The following ZNF69 variants were observed in gnomAD, a reference collection of about 807,000 sequenced individuals.
ZNF69 encodes the protein zinc finger protein 69.
In ZNF69, 47 loss-of-function variants were observed where a neutral mutation model predicts 50.9. The observed-to-expected ratio is 0.92, with a 90% CI of 0.73 to 1.18. The LOEUF is 1.18. Ranked by LOEUF, ZNF69 falls within the 50% of genes most tolerant of loss-of-function variation. The probability of loss-of-function intolerance (pLI) is 0.00; values close to 1 mark genes in which losing one functional copy is unlikely to be tolerated. For synonymous variants in ZNF69, 216 were observed against 223.1 expected (o/e 0.97, Z 0.29); for missense variants, 717 against 675.1 (o/e 1.06, Z -0.69).
chr19:11,947,447 C>A, the ZNF69 span: 3 of 1,600,822 alleles, frequency 1.9e-6, no homozygotes, highest in South Asian at 3.4e-5. Context: ...ATCATGGGCA[C>A]AGAATCTAAT....
intron 1 of ZNF69, among the ~76,000 whole-genome samples, chr19:11,893,979 C>G (rs1478529646): frequency 3.9e-5 from 6 of 152,202 alleles, no homozygotes; most frequent in African/African-American, 1.4e-4. Context: ...AACAGCCACT[C>G]CAACATAGTG....
At chr19:11,952,291 C>G in the ZNF69 span, among the ~76,000 whole-genome samples, 7 of 152,158 alleles carry the variant, frequency 4.6e-5, no homozygotes, top group Admixed American at 3.9e-4. Context: ...TGTATGGGCA[C>G]TGTTTACTAG....
At chr19:11,979,056 T>C in the ZNF69 span, 1 of 1,614,108 alleles carries the variant, frequency 6.2e-7, no homozygotes, top group South Asian at 1.1e-5. Context: ...GAAAGCATTA[T>C]CTTATAAGTT....
In ZNF69 at chr19:11,906,031, C is replaced by T; in HGVS notation, c.1634C>T (p.Ala545Val). Residue 545 changes from alanine (A) to valine (V), a missense_variant, in exon 4 of 4, where the codon GCT (alanine) becomes GTT (valine). Transcript: ENST00000429654. The stretch of plus-strand genomic sequence containing the variant: ...AAGCAATGTGGGAAAGCCTTCAGAG[C>T]TGCCTCAGTCCTTCGAATGCATGGT... ...KCKQCGKAFR[A>V]ASVLRMHGRT... The T allele has an allele frequency of 6.2e-7, 1 of 1,613,674 alleles. No homozygotes were observed. Among genetic ancestry groups the T allele is most frequent in the Non-Finnish European group, 8.5e-7 (1 of 1,179,856 alleles).
At chr19:11,941,962 G>A in the ZNF69 span, among the ~76,000 whole-genome samples, 2 of 100,120 alleles carry the variant, frequency 2.0e-5, no homozygotes, top group Non-Finnish European at 4.0e-5. Flanking sequence ...TTGTATAGTG[G>A]TTGAATCTGT....
rs1020952001 is a variant in ZNF69 at position 11,906,680 on chromosome 19, A to G, written c.*582A>G. On this transcript the variant is annotated 3_prime_UTR_variant, in exon 4 of 4. Coordinates refer to ENST00000429654, the MANE Select transcript of ZNF69 (RefSeq NM_001364730.1). ...CACCAAAACCCATCTGTACATCACC[A>G]TCATCAAAGACCAAAAGTAGATAAA... is the stretch of plus-strand genomic sequence containing the variant. Among the ~76,000 whole-genome samples the G allele has an allele frequency of 3.9e-5, 6 of 152,236 alleles. No individual in the cohort carries two copies. The highest frequency in any genetic ancestry group is 1.2e-4 in the African/African-American group (5 of 41,450).
chr19:11,921,874 C>A, the ZNF69 span, among the ~76,000 whole-genome samples: 1 of 152,176 alleles, frequency 6.6e-6, no homozygotes, highest in Non-Finnish European at 1.5e-5. Flanking sequence ...TTAACAGGAA[C>A]TATCATTTAG....
At chr19:11,936,785 T>A in the ZNF69 span, among the ~76,000 whole-genome samples, 100 of 152,326 alleles carry the variant, frequency 6.6e-4, no homozygotes, top group Non-Finnish European at 1.2e-3. Context: ...CTGAATGGTA[T>A]TGCCTAGGTT....
the ZNF69 span, among the ~76,000 whole-genome samples, chr19:11,941,740 C>T: frequency 6.6e-6 from 1 of 152,232 alleles, no homozygotes; most frequent in African/African-American, 2.4e-5. Context: ...GAAAGGGGCT[C>T]CCACAGTGCA....
the ZNF69 span, chr19:11,950,280 G>A: frequency 1.3e-6 from 2 of 1,587,226 alleles, no homozygotes; most frequent in East Asian, 2.2e-5. Context: ...GACATGAATA[G>A]ACTCACACTG....
downstream of ZNF69, among the ~76,000 whole-genome samples, chr19:11,917,225 T>A (rs942848512): frequency 2.0e-5 from 3 of 152,208 alleles, no homozygotes; most frequent in Admixed American, 6.5e-5. Context: ...GAGAATTGAT[T>A]GGTGTTCAGC....
chr19:11,904,585 T>C (rs1972320167), intron 3 of ZNF69, 64 bp from the exon 4 acceptor site: 9 of 1,568,758 alleles, frequency 5.7e-6, no homozygotes, highest in Non-Finnish European at 7.7e-6. Context: ...AGTTCAGTAC[T>C]TGTTGATTAA....
At chr19:11,932,635 A>ATTTT in the ZNF69 span, among the ~76,000 whole-genome samples, 3 of 116,834 alleles carry the variant, frequency 2.6e-5, no homozygotes, top group Non-Finnish European at 5.1e-5. Flanking sequence ...CCAATATGTG[A>ATTTT]TTTTTTTTTT....
chr19:11,893,218 A>G (rs1977138943), intron 1 of ZNF69, among the ~76,000 whole-genome samples: 1 of 152,200 alleles, frequency 6.6e-6, no homozygotes, highest in Non-Finnish European at 1.5e-5. Context: ...TTGTTTCCCT[A>G]TAGATTAATA....
In ZNF69 at chr19:11,905,314, G is replaced by T; in HGVS notation, c.917G>T (p.Cys306Phe). 1.2e-6 allele frequency: 2 copies of T among 1,614,144 alleles called. No individual in the cohort carries two copies. The highest frequency in any genetic ancestry group is 2.2e-5 in the East Asian group (1 of 44,872). The part of the protein sequence containing the change: ...RIHTGEKAYQ[C>F]KECGKAFTCP... Reference sequence around the variant, plus strand: ...CACACGGGAGAGAAGGCTTATCAATGTAAGGAATGTGGAAAAGCATTCACG... The same window carrying T: ...CACACGGGAGAGAAGGCTTATCAATTTAAGGAATGTGGAAAAGCATTCACG... Residue 306 changes from cysteine (C) to phenylalanine (F), a missense_variant, in exon 4 of 4, where the codon TGT (cysteine) becomes TTT (phenylalanine). By Grantham distance (205) the Cys-to-Phe change is radical (BLOSUM62 -2). Transcript: ENST00000429654.
At chr19:11,951,441 G>C in the ZNF69 span, among the ~76,000 whole-genome samples, 1 of 151,828 alleles carries the variant, frequency 6.6e-6, no homozygotes, top group Non-Finnish European at 1.5e-5. Context: ...ATATTAGCCA[G>C]ACTGGTCTCA....
chr19:11,910,133 CAA>C (rs1568282520), downstream of ZNF69, among the ~76,000 whole-genome samples: 1 of 152,092 alleles, frequency 6.6e-6, no homozygotes, highest in East Asian at 1.9e-4. Context: ...AGGACCTCTT[CAA>C]AGAGAACTAC....
rs1976982428 is a variant in ZNF69, at chr19:11,887,813, T to A, written c.-111T>A. On this transcript the variant is annotated 5_prime_UTR_variant, in exon 1 of 4. Transcript: ENST00000429654. ...CCTCCAGACACTGAGGGGGTCGCAT[T>A]CCTTACCTCACCTTTGTCCCTGCGC... The A allele has an allele frequency of 2.2e-6, 2 of 896,724 alleles. No individual in the cohort carries two copies. The highest frequency in any genetic ancestry group is 5.8e-5 in the East Asian group (2 of 34,572). 55.5% of individuals were successfully genotyped at this position (896,724 alleles called of 1,614,324 possible).
chr19:11,977,316 A>G, the ZNF69 span: 1 of 1,605,972 alleles, frequency 6.2e-7, no homozygotes, highest in African/African-American at 1.3e-5. Flanking sequence ...GAATCTAATA[A>G]TTTTTTCACA....
Sources: gnomAD v4.1 joint callset for allele counts (sites outside exome capture counted in the v4.1 genomes callset) on GRCh38, gnomAD v4.1.1 for gene constraint, MANE v1.5 for transcripts, NCBI Gene and HGNC (gene_info 2026-07-23, HGNC 2026-07-21) for gene names.